Variants in IPO5 observed in about 807,000 individuals in gnomAD.
IPO5 encodes importin-5.
A neutral mutation model predicts 143.3 loss-of-function variants in IPO5; 18 were observed. The observed-to-expected ratio is 0.13, with a 90% CI of 0.09 to 0.19. The LOEUF (loss-of-function observed/expected upper bound fraction) is 0.19, where lower values mean the gene tolerates loss of function less well. IPO5 is among the 10% of genes least tolerant of loss of function. The pLI, the probability that IPO5 is intolerant of heterozygous loss-of-function variation, is 1.00. For synonymous variants in IPO5, 477 were observed against 465.7 expected, an observed-to-expected ratio of 1.02 and a Z score of -0.31; for missense variants, 1,013 against 1,336.9, an observed-to-expected ratio of 0.76 and a Z score of 3.78.
At chr13:97,981,195 CAGA>C (rs1566483826) in intron 4 of IPO5, 1 of 445,248 alleles carries the variant, frequency 2.2e-6, no homozygotes, top group Non-Finnish European at 4.5e-6. Flanking sequence ...TTGAGGTTAT[CAGA>C]AGATCTTGAA....
rs1283154644 is a variant in IPO5, at chr13:98,016,733, A to T, written c.2498A>T (p.Asp833Val). Residue 833 changes from aspartate to valine, a missense_variant, in exon 25 of 29, where the codon GAT becomes GTT. By Grantham distance (152) the Asp-to-Val change is radical. Transcript: ENST00000651721. Reference sequence around the variant, plus strand: ...TTATGTGTATGTTTTTTTTAGGATGATAATGATGTTTATATTCTGACCAAA... The same window carrying T: ...TTATGTGTATGTTTTTTTTAGGATGTTAATGATGTTTATATTCTGACCAAA... Reference protein sequence around the residue: ...QVEESLQDEDDNDVYILTKVS... With the variant: ...QVEESLQDEDVNDVYILTKVS... 4 of 1,420,782 alleles carry T rather than the reference A, an allele frequency of 2.8e-6. No individual in the cohort carries two copies. Among genetic ancestry groups the T allele is most frequent in the Non-Finnish European group, 3.8e-6 (4 of 1,045,908 alleles). 88.0% of individuals were successfully genotyped at this position (1,420,782 alleles called of 1,614,324 possible). A position where few individuals can be genotyped will look rare whatever the true frequency, so the allele number is the denominator to read the frequency against.
At chr13:97,976,055 T>G in intron 3 of IPO5, 1 of 717,802 alleles carries the variant, frequency 1.4e-6, no homozygotes, top group Non-Finnish European at 1.7e-6. Context: ...AAGGGCTGGA[T>G]CCCAGGGAGC....
chr13:97,986,601 C>T (rs1465392192), intron 6 of IPO5, among the ~76,000 whole-genome samples: 1 of 152,068 alleles, frequency 6.6e-6, no homozygotes, highest in East Asian at 1.9e-4. Flanking sequence ...CTGCCCATCT[C>T]GGCCTCCCAA....
chr13:98,005,919 G>T (rs1889199990), intron 16 of IPO5, among the ~76,000 whole-genome samples: 1 of 151,876 alleles, frequency 6.6e-6, no homozygotes, highest in Non-Finnish European at 1.5e-5. Flanking sequence ...TGTGTTAATA[G>T]AAGAGAGAAA....
chr13:97,997,607 T>G lies in IPO5; in HGVS notation c.990T>G (p.Asp330Glu), dbSNP rs1391739305. ...DWANADELED[D>E]DFDSNAVAGE... Reference sequence around the variant, plus strand: ...CAAATGCAGATGAACTAGAAGATGATGATTTTGACAGGTAATCAAACATTG... The same window carrying G: ...CAAATGCAGATGAACTAGAAGATGAGGATTTTGACAGGTAATCAAACATTG... Residue 330 changes from aspartate to glutamate, a missense_variant, in exon 12 of 29, where the codon GAT becomes GAG. Transcript: ENST00000651721. The G allele has an allele frequency of 6.2e-7, 1 of 1,604,958 alleles. No homozygotes were observed. Among genetic ancestry groups the G allele is most frequent in the Non-Finnish European group, 8.5e-7 (1 of 1,172,222 alleles).
chr13:97,979,954 T>C (rs1317388472), intron 4 of IPO5: 1 of 456,630 alleles, frequency 2.2e-6, no homozygotes, highest in East Asian at 6.9e-5. Context: ...GTAGGCTCAC[T>C]ATAAATATTT....
At chr13:97,982,190 A>C (rs1886907834) in intron 4 of IPO5, 1 of 266,402 alleles carries the variant, frequency 3.8e-6, no homozygotes, top group Admixed American at 5.1e-5. Flanking sequence ...ACAATGGCTT[A>C]AGTCACATTT....
In IPO5 at chr13:97,982,597, A is replaced by AT. The variant is rs758667622; in HGVS notation, c.171+17dup. 7.0e-7 allele frequency: 1 copy of AT among 1,425,254 alleles called. No individual in the cohort carries two copies. Among genetic ancestry groups the AT allele is most frequent in the African/African-American group, 1.4e-5 (1 of 70,934 alleles). 88.3% of individuals were successfully genotyped at this position (1,425,254 alleles called of 1,614,324 possible). A position where few individuals can be genotyped will look rare whatever the true frequency, so the allele number is the denominator to read the frequency against. Reference sequence around the variant, plus strand: ...GCTGCTGAAGAGGTACTACCTTAATATTTGTGACTATTACATTCTTAGAAA... The same window carrying AT: ...GCTGCTGAAGAGGTACTACCTTAATATTTTGTGACTATTACATTCTTAGAAA... On this transcript the variant is annotated intron_variant, in intron 5 of 28. Coordinates refer to ENST00000651721, the MANE Select transcript of IPO5 (RefSeq NM_002271.6).
At chr13:98,020,797 G>T (rs1890434133) in intron 27 of IPO5, among the ~76,000 whole-genome samples, 195 bp from the exon 28 acceptor site, 1 of 151,464 alleles carries the variant, frequency 6.6e-6, no homozygotes, top group South Asian at 2.1e-4. Context: ...CTGTTGTTTG[G>T]CCCTTAAAAC....
intron 12 of IPO5, among the ~76,000 whole-genome samples, chr13:98,000,049 C>T (rs186632966): frequency 1.1e-4 from 16 of 152,246 alleles, no homozygotes; most frequent in Admixed American, 6.5e-4. Flanking sequence ...TTTTGGGAGG[C>T]CCAGGCGGGC....
intron 20 of IPO5, 36 bp from the exon 21 acceptor site, chr13:98,012,210 A>G (rs781158045): frequency 4.1e-6 from 5 of 1,229,860 alleles, no homozygotes; most frequent in Non-Finnish European, 6.0e-6. Context: ...GAAGACTAAC[A>G]TGAATCTTTA....
intron 5 of IPO5, among the ~76,000 whole-genome samples, chr13:97,983,386 A>G (rs2139646742): frequency 6.6e-6 from 1 of 152,262 alleles, no homozygotes; most frequent in Admixed American, 6.5e-5. Context: ...ATTTTATTAG[A>G]ATCATGGTTT....
rs59658983 is a variant in IPO5, at chr13:98,012,801, ATTTT to A, written c.2152+482_2152+485del. ...ACAACACCAAGCCCAGCTAGATTTG[ATTTT>A]TTTTTTTTTTTTTTTTTTTTTTAAG... On this transcript the variant is annotated intron_variant, in intron 21 of 28. Coordinates refer to ENST00000651721, the MANE Select transcript of IPO5 (RefSeq NM_002271.6). 3.3e-3 allele frequency among the ~76,000 whole-genome samples: 360 copies of A among 109,144 alleles called. 6 individuals are homozygous for A. The highest frequency in any genetic ancestry group is 0.014 in the South Asian group (38 of 2,766). The allele number at this position is 109,144 out of a possible 152,430, so 71.6% of individuals were successfully genotyped here. A position where few individuals can be genotyped will look rare whatever the true frequency, so the allele number is the denominator to read the frequency against.
intron 5 of IPO5, among the ~76,000 whole-genome samples, chr13:97,984,179 C>T (rs1246475072): frequency 1.3e-5 from 2 of 150,800 alleles, no homozygotes; most frequent in Non-Finnish European, 3.0e-5. Flanking sequence ...GGGGTTTCAC[C>T]GTTTTAGCCG....
At chr13:98,006,610 G>C (rs1256421394) in intron 17 of IPO5, among the ~76,000 whole-genome samples, 3 of 151,466 alleles carry the variant, frequency 2.0e-5, no homozygotes, top group Admixed American at 6.6e-5. Context: ...TCCTGACCTC[G>C]TGATCCGCCC....
chr13:98,015,068 A>G (rs1204453402), intron 22 of IPO5, among the ~76,000 whole-genome samples: 3 of 152,056 alleles, frequency 2.0e-5, no homozygotes, highest in African/African-American at 7.2e-5. Context: ...GCATCTTTAT[A>G]TGTCCTTATT....
At chr13:97,961,481 G>A (rs1350529485) in intron 2 of IPO5, among the ~76,000 whole-genome samples, 2 of 152,132 alleles carry the variant, frequency 1.3e-5, no homozygotes, top group East Asian at 3.9e-4. Context: ...ACAGGCATGC[G>A]TCACCACACC....
rs529403351 is a variant in IPO5 at position 97,977,740 on chromosome 13, T to G, written c.90+954T>G. On this transcript the variant is annotated intron_variant, in intron 4 of 28. Transcript: ENST00000651721. ...ATTTTCAGCGTTGAGACCACGATTCTTGTGGGATACTTCCAGGGGAGGGAG... is the reference window on the plus strand; with the variant it reads ...ATTTTCAGCGTTGAGACCACGATTCGTGTGGGATACTTCCAGGGGAGGGAG... Among the ~76,000 whole-genome samples, 6 of 152,334 alleles carry G rather than the reference T, an allele frequency of 3.9e-5. No homozygotes were observed. In the South Asian group the frequency reaches 1.2e-3, roughly 32 times the overall value.
In IPO5 at chr13:98,006,183, A is replaced by G. The variant is rs750579104; in HGVS notation, c.1551A>G (p.Ala517=). 2 of 1,614,018 alleles carry G rather than the reference A, an allele frequency of 1.2e-6. No individual in the cohort carries two copies. Among genetic ancestry groups the G allele is most frequent in the Non-Finnish European group, 1.7e-6 (2 of 1,179,976 alleles). Reference sequence around the variant, plus strand: ...TGGAACAAGTTGTGACATCCATTGCATCAGTTGCCGATACTGCAGAAGAAA... The same window carrying G: ...TGGAACAAGTTGTGACATCCATTGCGTCAGTTGCCGATACTGCAGAAGAAA... ...LVLEQVVTSI[A]SVADTAEEKF... is the part of the protein sequence containing the mutation. The change falls in exon 17 of 29, where the codon GCA becomes GCG. Residue 517 remains alanine, a synonymous_variant. Coordinates refer to ENST00000651721, the MANE Select transcript of IPO5 (RefSeq NM_002271.6).
Sources: gnomAD v4.1 joint callset for allele counts (sites outside exome capture counted in the v4.1 genomes callset) on GRCh38, gnomAD v4.1.1 for gene constraint, MANE v1.5 for transcripts, NCBI Gene and HGNC (gene_info 2026-07-23, HGNC 2026-07-21) for gene names.